Variants in HIPK3 observed in about 807,000 individuals in gnomAD.
The protein encoded by HIPK3 is homeodomain-interacting protein kinase 3.
HIPK3 carries 47 observed loss-of-function variants against 124.2 expected under a neutral mutation model. That is an observed-to-expected ratio of 0.38 (90% CI 0.30 to 0.48). HIPK3 has a LOEUF of 0.48. Ranked by LOEUF, HIPK3 falls within the 20% of genes least tolerant of loss-of-function variation. HIPK3 has a pLI of 0.98. For missense variants in HIPK3, 1,286 were observed against 1,454.3 expected, an observed-to-expected ratio of 0.88 and a Z score of 1.88; for synonymous variants, 482 against 515.2, an observed-to-expected ratio of 0.94 and a Z score of 0.87.
chr11:33,308,169 A>T (rs890652315), intron 2 of HIPK3, among the ~76,000 whole-genome samples: 11 of 152,290 alleles, frequency 7.2e-5, no homozygotes, highest in African/African-American at 2.2e-4. Flanking sequence ...AGCACCATTT[A>T]TTATTCTACT....
intron 2 of HIPK3, among the ~76,000 whole-genome samples, chr11:33,305,301 C>CT (rs1565075469): frequency 6.6e-6 from 1 of 152,088 alleles, no homozygotes; most frequent in East Asian, 1.9e-4. Flanking sequence ...CATGCCTGGC[C>CT]TTTTTTTAAT....
In HIPK3 at chr11:33,337,201, C is replaced by G. The variant is rs748886304; in HGVS notation, c.1341+7C>G. ...TTCTGGTTGGAGATTAAAGGTAATT[C>G]ATTAAAAAATAGAATATTTAGAAGA... On this transcript the variant is annotated splice_region_variant and intron_variant, in intron 4 of 16. Transcript: ENST00000303296. 18 of 1,499,776 alleles carry G rather than the reference C, an allele frequency of 1.2e-5. No homozygotes were observed. Among genetic ancestry groups the G allele is most frequent in the Non-Finnish European group, 1.5e-5 (16 of 1,093,088 alleles). The allele number at this position is 1,499,776 out of a possible 1,614,324, so 92.9% of individuals were successfully genotyped here.
At chr11:33,266,347 ATAG>A (rs1258174819) in intron 1 of HIPK3, among the ~76,000 whole-genome samples, 4 of 152,136 alleles carry the variant, frequency 2.6e-5, no homozygotes, top group Non-Finnish European at 4.4e-5. Flanking sequence ...TGATATTAAA[ATAG>A]TAGCATTCAT....
At chr11:33,263,207 C>T (rs559501576) in intron 1 of HIPK3, among the ~76,000 whole-genome samples, 7 of 152,052 alleles carry the variant, frequency 4.6e-5, no homozygotes, top group Non-Finnish European at 1.0e-4. Context: ...AGACCTTTCC[C>T]ATTCTGTAGG....
chr11:33,344,755 G>A (rs1257192928), intron 8 of HIPK3, among the ~76,000 whole-genome samples: 6 of 152,182 alleles, frequency 3.9e-5, no homozygotes. Context: ...AACAGGCCAG[G>A]CAGGCTCTGT....
chr11:33,297,931 A>G (rs181070561), intron 2 of HIPK3, among the ~76,000 whole-genome samples: 1,778 of 151,960 alleles, frequency 0.012, 25 homozygotes, highest in African/African-American at 0.039. Flanking sequence ...CTGGGATTAC[A>G]GGGGCGCACT....
In HIPK3 at chr11:33,271,041, TA is replaced by T. The variant is rs1040914518; in HGVS notation, c.-3+13154del. On this transcript the variant is annotated intron_variant, in intron 1 of 16. Coordinates refer to ENST00000303296, the MANE Select transcript of HIPK3 (RefSeq NM_005734.5). ...TTCATGATTTTATGGCAAAATACTT[TA>T]AGTTTTATATTAGTCTAGTATACCA... Among the ~76,000 whole-genome samples, 55 of 152,184 alleles carry T rather than the reference TA, an allele frequency of 3.6e-4. 1 individual carries two copies. Among genetic ancestry groups the T allele is most frequent in the African/African-American group, 1.3e-3 (55 of 41,454 alleles).
At chr11:33,313,896 G>A (rs1181782954) in intron 2 of HIPK3, among the ~76,000 whole-genome samples, 4 of 152,034 alleles carry the variant, frequency 2.6e-5, no homozygotes, top group Non-Finnish European at 4.4e-5. Context: ...AGGCTGGAGT[G>A]CAGTGGTATA....
intron 1 of HIPK3, among the ~76,000 whole-genome samples, chr11:33,264,541 A>G (rs1258070428): frequency 6.6e-6 from 1 of 152,218 alleles, no homozygotes; most frequent in East Asian, 1.9e-4. Context: ...CACCCTAAAC[A>G]TTTTGTAGCT....
At chr11:33,315,858 T>C (rs1331917517) in intron 2 of HIPK3, among the ~76,000 whole-genome samples, 2 of 152,232 alleles carry the variant, frequency 1.3e-5, no homozygotes, top group Non-Finnish European at 2.9e-5. Flanking sequence ...TTTGTTATTG[T>C]TGTTATTCTT....
chr11:33,297,804 T>C (rs951609312), intron 2 of HIPK3, among the ~76,000 whole-genome samples: 7 of 146,144 alleles, frequency 4.8e-5, no homozygotes, highest in East Asian at 2.0e-4. Context: ...TTTTTTTTTT[T>C]CTTGAGATGG....
chr11:33,313,103 A>T (rs985123439), intron 2 of HIPK3, among the ~76,000 whole-genome samples: 19 of 152,312 alleles, frequency 1.2e-4, no homozygotes, highest in Admixed American at 1.1e-3. Context: ...CAAGTGTAAG[A>T]TAGCATCACT....
intron 1 of HIPK3, among the ~76,000 whole-genome samples, chr11:33,283,085 C>A (rs1000013233): frequency 6.6e-6 from 1 of 151,808 alleles, no homozygotes; most frequent in African/African-American, 2.4e-5. Context: ...TCAGTAGATG[C>A]CAATGAGATG....
chr11:33,288,281 C>A (rs1389528186), intron 2 of HIPK3, among the ~76,000 whole-genome samples: 1 of 152,018 alleles, frequency 6.6e-6, no homozygotes, highest in Non-Finnish European at 1.5e-5. Context: ...GGCGAAACCC[C>A]CATCTCTACT....
At chr11:33,287,875 AGTTT>A (rs1471271701) in intron 2 of HIPK3, among the ~76,000 whole-genome samples, 2 of 152,304 alleles carry the variant, frequency 1.3e-5, no homozygotes, top group Non-Finnish European at 2.9e-5. Flanking sequence ...TGAGAGAAAT[AGTTT>A]ATTAAAGATA....
rs1359243753 is a variant in HIPK3 at position 33,286,547 on chromosome 11, G to A, written c.133G>A (p.Val45Met). 1 of 1,614,064 alleles carries A rather than the reference G, an allele frequency of 6.2e-7. No homozygotes were observed. Reference protein sequence around the residue: ...FQERNYPRTYVNGRNFGNSHP... With the variant: ...FQERNYPRTYMNGRNFGNSHP... ...GGAAAGAAACTATCCACGGACCTAT[G>A]TGAATGGTAGAAACTTTGGAAATTC... The change falls in exon 2 of 17, where the codon GTG (valine) becomes ATG (methionine). Residue 45 changes from valine (V) to methionine (M), a missense_variant. By Grantham distance (21) the Val-to-Met change is conservative. Coordinates refer to ENST00000303296, the MANE Select transcript of HIPK3 (RefSeq NM_005734.5).
Position 33,353,539 on chromosome 11 carries a change from A to G in HIPK3, c.3619A>G (p.Thr1207Ala), listed in dbSNP as rs146182417. Residue 1207 changes from threonine (T) to alanine (A), a missense_variant, in exon 17 of 17, where the codon ACA (threonine) becomes GCA (alanine). Thr to Ala is a moderately conservative substitution (Grantham distance 58, BLOSUM62 0). Coordinates refer to ENST00000303296, the MANE Select transcript of HIPK3 (RefSeq NM_005734.5). ...ATATACTGGATTTCCACTGAGTCCA[A>G]CAAAACTCAGCCAGTATCCATATAT... The part of the protein sequence containing the change: ...PAYTGFPLSP[T>A]KLSQYPYM The G allele has an allele frequency of 6.2e-7, 1 of 1,611,128 alleles. No individual in the cohort carries two copies. Among genetic ancestry groups the G allele is most frequent in the Non-Finnish European group, 8.5e-7 (1 of 1,177,268 alleles).
At chr11:33,341,425 C>G in intron 7 of HIPK3, 138 bp from the exon 8 acceptor site, 1 of 949,710 alleles carries the variant, frequency 1.1e-6, no homozygotes, top group Non-Finnish European at 1.5e-6. Flanking sequence ...TTAATTTCGG[C>G]AGCTTGTTTT....
intron 2 of HIPK3, among the ~76,000 whole-genome samples, chr11:33,308,721 C>G (rs1852238651): frequency 6.9e-6 from 1 of 144,628 alleles, no homozygotes; most frequent in South Asian, 2.2e-4. Flanking sequence ...CAGGCAGTGT[C>G]TCTGCAAGTA....
Sources: allele counts gnomAD v4.1 joint callset (sites outside exome capture counted in the v4.1 genomes callset), GRCh38; gene constraint gnomAD v4.1.1; transcripts MANE v1.5; gene names NCBI Gene and HGNC (gene_info 2026-07-23, HGNC 2026-07-21).